The following ANTXR1 variants were observed in gnomAD, a reference collection of about 807,000 sequenced individuals.
The protein encoded by ANTXR1 is ANTXR cell adhesion molecule 1.
ANTXR1 carries 19 observed loss-of-function variants against 78.1 expected under a neutral mutation model. The ratio of observed to expected loss-of-function variants is 0.24; its 90% CI spans 0.17 to 0.36. The LOEUF is 0.36. ANTXR1 is among the 10% of genes least tolerant of loss of function. The pLI is 1.00. For synonymous variants in ANTXR1, 273 were observed against 260.5 expected, an observed-to-expected ratio of 1.05 and a Z score of -0.46; for missense variants, 518 against 718.6, an observed-to-expected ratio of 0.72 and a Z score of 3.19.
chr2:69,139,797 C>T (rs963265234), intron 12 of ANTXR1, among the ~76,000 whole-genome samples: 1 of 152,110 alleles, frequency 6.6e-6, no homozygotes, highest in East Asian at 1.9e-4. Flanking sequence ...ACCAATTGAG[C>T]ATATACATTA....
intron 3 of ANTXR1, among the ~76,000 whole-genome samples, chr2:69,067,118 T>C (rs1019837803): frequency 6.6e-5 from 10 of 152,070 alleles, no homozygotes; most frequent in African/African-American, 2.4e-4. Flanking sequence ...TGCTTAGATG[T>C]TGTGGGTCCT....
intron 14 of ANTXR1, among the ~76,000 whole-genome samples, chr2:69,172,837 A>G (rs6705930): frequency 1.3e-5 from 2 of 152,232 alleles, no homozygotes; most frequent in Non-Finnish European, 2.9e-5. Flanking sequence ...TGAAGAGCTC[A>G]ATAGAAGCAA....
chr2:69,100,245 G>A (rs1025305746), intron 9 of ANTXR1, among the ~76,000 whole-genome samples: 10 of 152,168 alleles, frequency 6.6e-5, no homozygotes, highest in African/African-American at 1.7e-4. Flanking sequence ...GTTACATAAC[G>A]TCTATGTGTG....
At chr2:69,130,360 G>T (rs1306614293) in intron 12 of ANTXR1, among the ~76,000 whole-genome samples, 2 of 152,132 alleles carry the variant, frequency 1.3e-5, no homozygotes, top group Non-Finnish European at 1.5e-5. Context: ...GTAGCAACAA[G>T]GTTCAATAAC....
At chr2:69,234,380 A>G (rs1675700270) in intron 17 of ANTXR1, among the ~76,000 whole-genome samples, 1 of 152,258 alleles carries the variant, frequency 6.6e-6, no homozygotes, top group Non-Finnish European at 1.5e-5. Flanking sequence ...TTAGAAAAAG[A>G]TGAAATAAAT....
intron 10 of ANTXR1, among the ~76,000 whole-genome samples, chr2:69,122,539 C>A (rs1479784910): frequency 6.6e-6 from 1 of 152,198 alleles, no homozygotes; most frequent in Non-Finnish European, 1.5e-5. Flanking sequence ...CAGGCAGGAG[C>A]ACTTGAGTTC....
At chr2:69,093,343 A>G (rs2104290111) in intron 9 of ANTXR1, among the ~76,000 whole-genome samples, 1 of 152,372 alleles carries the variant, frequency 6.6e-6, no homozygotes, top group South Asian at 2.1e-4. Context: ...TTAATAGACA[A>G]AGATAGAGTA....
intron 3 of ANTXR1, among the ~76,000 whole-genome samples, chr2:69,045,120 T>A (rs1057467627): frequency 6.6e-6 from 1 of 152,188 alleles, no homozygotes; most frequent in Non-Finnish European, 1.5e-5. Context: ...CAAACCATAT[T>A]ATTGGGGGAC....
At chr2:69,047,087 A>G (rs957079224) in intron 3 of ANTXR1, among the ~76,000 whole-genome samples, 8 of 152,198 alleles carry the variant, frequency 5.3e-5, no homozygotes, top group African/African-American at 1.9e-4. Flanking sequence ...AGGATGCAAA[A>G]TCCACATATA....
chr2:69,068,377 A>G (rs906798040), intron 3 of ANTXR1, among the ~76,000 whole-genome samples: 5 of 152,264 alleles, frequency 3.3e-5, no homozygotes, highest in Non-Finnish European at 5.9e-5. Flanking sequence ...ATAGAGGAAG[A>G]CAATTCAGAT....
intron 17 of ANTXR1, 75 bp downstream of exon 17, chr2:69,193,490 CAT>C (rs1553374400): frequency 8.2e-6 from 10 of 1,225,802 alleles, no homozygotes; most frequent in Admixed American, 5.2e-5. Flanking sequence ...CACACACACA[CAT>C]ATTCTTTTTC....
At chr2:69,183,283 C>CT (rs1558628694) in intron 16 of ANTXR1, among the ~76,000 whole-genome samples, 1 of 152,158 alleles carries the variant, frequency 6.6e-6, no homozygotes, top group East Asian at 1.9e-4. Flanking sequence ...GTAAGCAAAT[C>CT]TTTTTTCTCC....
At position 69,040,095 on chromosome 2, in the gene ANTXR1, G is replaced by C. The variant is rs766096854; in HGVS notation, c.204G>C (p.Gln68His). The C allele has an allele frequency of 2.7e-5, 44 of 1,613,424 alleles. No individual in the cohort carries two copies. The South Asian group carries it at 4.1e-4, about 15-fold the overall frequency. The change falls in exon 2 of 18, where the codon CAG (glutamine) becomes CAC (histidine). Residue 68 changes from glutamine to histidine, a missense_variant. Gln to His is a conservative substitution (Grantham distance 24). Transcript: ENST00000303714. The stretch of plus-strand genomic sequence containing the variant: ...ATGAAATCTATTACTTTGTGGAACA[G>C]TTGGCTCACAAATTCATCAGGTGAG... ...HWNEIYYFVE[Q>H]LAHKFISPQL...
In ANTXR1 at chr2:69,022,839, A is replaced by G. The variant is rs568533418; in HGVS notation, c.152+9188A>G. ...GGGCTATAGGCAGAGCTCTTATTTT[A>G]GATGGTGGCAGAAGAAACCACACAC... is the stretch of plus-strand genomic sequence containing the variant. On this transcript the variant is annotated intron_variant, in intron 1 of 17. Transcript: ENST00000303714. 4.6e-4 allele frequency among the ~76,000 whole-genome samples: 70 copies of G among 152,334 alleles called. 1 individual carries two copies. Among genetic ancestry groups the G allele is most frequent in the Non-Finnish European group, 8.4e-4 (57 of 68,028 alleles).
intron 17 of ANTXR1, among the ~76,000 whole-genome samples, chr2:69,216,205 T>G (rs4854554): frequency 0.43 from 64,813 of 152,004 alleles, 14,294 homozygotes; most frequent in East Asian, 0.78. Flanking sequence ...AGGAACCTTT[T>G]ATATCATCAG....
chr2:69,176,392 A>G (rs1674119294), intron 14 of ANTXR1, among the ~76,000 whole-genome samples: 1 of 152,128 alleles, frequency 6.6e-6, no homozygotes, highest in East Asian at 1.9e-4. Flanking sequence ...TGACTTGCCA[A>G]TTCACTCCTA....
At chr2:69,212,859 A>G (rs75906458) in intron 17 of ANTXR1, among the ~76,000 whole-genome samples, 6,529 of 151,112 alleles carry the variant, frequency 0.043, 600 homozygotes, top group East Asian at 0.38. Flanking sequence ...CCCAGGCCAG[A>G]GTGCAGTGGT....
intron 12 of ANTXR1, among the ~76,000 whole-genome samples, chr2:69,142,881 A>G (rs1311662392): frequency 6.6e-6 from 1 of 152,188 alleles, no homozygotes; most frequent in East Asian, 1.9e-4. Context: ...CTAAAGACTC[A>G]AAGCCTTGTA....
rs1042239882 is a variant in ANTXR1, at chr2:69,247,204, C to A, written c.*1719C>A. On this transcript the variant is annotated 3_prime_UTR_variant, in exon 18 of 18. Coordinates refer to ENST00000303714, the MANE Select transcript of ANTXR1 (RefSeq NM_032208.3). ...GCCGCCACTCAACAGTCAGATGAAC[C>A]CAACAGTCAGATGAGAGAAATGAAC... is the stretch of plus-strand genomic sequence containing the variant. 6.6e-6 allele frequency: 1 copy of A among 152,642 alleles called. No individual in the cohort carries two copies. Among genetic ancestry groups the A allele is most frequent in the Non-Finnish European group, 1.5e-5 (1 of 68,036 alleles). 9.5% of individuals were successfully genotyped at this position (152,642 alleles called of 1,614,324 possible).
Sources: allele counts gnomAD v4.1 joint callset (sites outside exome capture counted in the v4.1 genomes callset), GRCh38; gene constraint gnomAD v4.1.1; transcripts MANE v1.5; gene names NCBI Gene and HGNC (gene_info 2026-07-23, HGNC 2026-07-21).